PLG: variants seen among roughly 807,000 people sequenced by gnomAD.
The protein encoded by PLG is plasmin.
In PLG, 41 loss-of-function variants were observed where a neutral mutation model predicts 104.4. The ratio of observed to expected loss-of-function variants is 0.39; its 90% CI spans 0.31 to 0.51. PLG has a LOEUF of 0.51. Ranked by LOEUF, PLG falls within the 20% of genes least tolerant of loss-of-function variation. The pLI, the probability that PLG is intolerant of heterozygous loss-of-function variation, is 0.76. For missense variants in PLG, 891 were observed against 1,003.6 expected, an observed-to-expected ratio of 0.89 and a Z score of 1.52; for synonymous variants, 337 against 357.1, an observed-to-expected ratio of 0.94 and a Z score of 0.63.
At position 160,706,561 on chromosome 6, in the gene PLG, C is replaced by A; in HGVS notation, c.185+19C>A. Reference sequence around the variant, plus strand: ...CCTGCAGGTATTTCCATTGTCGTTGCACCTACGCAGGAATCTGTAATTCAG... The same window carrying A: ...CCTGCAGGTATTTCCATTGTCGTTGAACCTACGCAGGAATCTGTAATTCAG... On this transcript the variant is annotated intron_variant, in intron 2 of 18. Coordinates refer to ENST00000308192, the MANE Select transcript of PLG (RefSeq NM_000301.5). 1 of 1,610,174 alleles carries A rather than the reference C, an allele frequency of 6.2e-7. No homozygotes were observed.
At chr6:160,727,452 G>GAA (rs780958888) in intron 10 of PLG, among the ~76,000 whole-genome samples, 1 of 135,814 alleles carries the variant, frequency 7.4e-6, no homozygotes. Context: ...CAATTTGTGA[G>GAA]AAAAAAAAAA....
At chr6:160,710,397 G>T (rs1363023809) in intron 3 of PLG, among the ~76,000 whole-genome samples, 2 of 152,080 alleles carry the variant, frequency 1.3e-5, no homozygotes, top group Non-Finnish European at 2.9e-5. Flanking sequence ...GGGGGGAACA[G>T]ACATGGGTGG....
At chr6:160,722,264 AT>A in intron 9 of PLG, 143 bp from the exon 10 acceptor site, 4 of 622,050 alleles carry the variant, frequency 6.4e-6, no homozygotes, top group Non-Finnish European at 8.7e-6. Flanking sequence ...CTATAAATCT[AT>A]TTTTATGTTA....
Position 160,713,128 on chromosome 6 carries a change from C to G in PLG, c.547+3C>G. On this transcript the variant is annotated splice_donor_region_variant and intron_variant, in intron 5 of 18. Coordinates refer to ENST00000308192, the MANE Select transcript of PLG (RefSeq NM_000301.5). ...CTGCGACATTCTTGAGTGTGAAGGT[C>G]AGGAGTGGTTCTAGAAAATGTTTTC... 6.2e-7 allele frequency: 1 copy of G among 1,608,232 alleles called. No homozygotes were observed. Among genetic ancestry groups the G allele is most frequent in the East Asian group, 2.2e-5 (1 of 44,868 alleles).
chr6:160,713,470 C>G, intron 5 of PLG: 1 of 322,290 alleles, frequency 3.1e-6, no homozygotes, highest in Non-Finnish European at 6.1e-6. Flanking sequence ...GGTTTCTCCA[C>G]GTAGGTCAGG....
chr6:160,733,846 G>GAAAAAAAAAAAAA, intron 12 of PLG, 149 bp from the exon 13 acceptor site: 1 of 312,838 alleles, frequency 3.2e-6, no homozygotes, highest in African/African-American at 3.1e-5. Context: ...CTCCACCTCA[G>GAAAAAAAAAAAAA]AAAAAAAAAA....
chr6:160,751,965 T>C, intron 17 of PLG, 150 bp from the exon 18 acceptor site: 1 of 719,160 alleles, frequency 1.4e-6, no homozygotes, highest in East Asian at 2.6e-5. Context: ...GTTTACACTC[T>C]GCAGGGTCAG....
In PLG at chr6:160,719,526, A is replaced by C. The variant is rs1399060809; in HGVS notation, c.1096+688A>C. ...AACCATTTGCATTCATGCAATTGTT[A>C]ATAGAGTTGAATTTACATCTACCAT... is the stretch of plus-strand genomic sequence containing the variant. On this transcript the variant is annotated intron_variant, in intron 9 of 18. Transcript: ENST00000308192. The surrounding 1 kb of genome is among the most constrained non-coding windows in gnomAD (Gnocchi z 4.1). Among the ~76,000 whole-genome samples the C allele has an allele frequency of 6.6e-6, 1 of 152,204 alleles. No individual in the cohort carries two copies. Among genetic ancestry groups the C allele is most frequent in the Non-Finnish European group, 1.5e-5 (1 of 68,042 alleles).
At chr6:160,749,502 A>C (rs199976499) in intron 17 of PLG, among the ~76,000 whole-genome samples, 39 of 127,746 alleles carry the variant, frequency 3.1e-4, no homozygotes, top group Admixed American at 2.2e-3. Context: ...CACCACCACC[A>C]CCCCCATCAT....
chr6:160,722,586 C>T lies in PLG; in HGVS notation c.1256+19C>T, dbSNP rs1236966638. 1.2e-6 allele frequency: 2 copies of T among 1,609,338 alleles called. No homozygotes were observed. Among genetic ancestry groups the T allele is most frequent in the Non-Finnish European group, 1.7e-6 (2 of 1,175,968 alleles). ...CAAATGCGTATGTCTTTGATTTTTA[C>T]TGTAAGAGGGGCATCAGCCAACTGA... On this transcript the variant is annotated intron_variant, in intron 10 of 18. Transcript: ENST00000308192.
intron 6 of PLG, 30 bp from the exon 7 acceptor site, chr6:160,716,615 G>C (rs1327398340): frequency 8.2e-7 from 1 of 1,213,480 alleles, no homozygotes; most frequent in Non-Finnish European, 1.2e-6. Flanking sequence ...TAAATGTTCA[G>C]TGCTACTAAA....
chr6:160,747,348 T>C (rs1382068841), intron 17 of PLG, among the ~76,000 whole-genome samples: 1 of 152,206 alleles, frequency 6.6e-6, no homozygotes, highest in Admixed American at 6.5e-5. Context: ...CAGTATGCCC[T>C]GACAATAATT....
chr6:160,711,057 C>G lies in PLG; in HGVS notation c.293-20C>G, dbSNP rs373041225. 2 of 1,612,384 alleles carry G rather than the reference C, an allele frequency of 1.2e-6. No individual in the cohort carries two copies. The highest frequency in any genetic ancestry group is 2.2e-5 in the East Asian group (1 of 44,864). ...GGTGTCTTGTGAAAGACTTTGACCA[C>G]TGTGTGGACTTCCCTTCAGTGTATC... is the stretch of plus-strand genomic sequence containing the variant. On this transcript the variant is annotated intron_variant, in intron 3 of 18. Coordinates refer to ENST00000308192, the MANE Select transcript of PLG (RefSeq NM_000301.5).
intron 5 of PLG, 148 bp downstream of exon 5, chr6:160,713,273 A>ATTTTT (rs113752311): frequency 2.0e-4 from 119 of 586,330 alleles, no homozygotes; most frequent in African/African-American, 1.8e-3. Flanking sequence ...ATTAACCTGA[A>ATTTTT]TTTTTTTTTT....
At chr6:160,711,448 C>A in intron 4 of PLG, 2 of 875,210 alleles carry the variant, frequency 2.3e-6, no homozygotes, top group South Asian at 1.8e-5. Flanking sequence ...TTGTTATTTT[C>A]TGTCATCTTT....
At chr6:160,711,813 C>T (rs748706678) in intron 4 of PLG, 47 of 1,503,488 alleles carry the variant, frequency 3.1e-5, no homozygotes, top group Non-Finnish European at 3.7e-5. Context: ...GAACTCTCAT[C>T]ACATGTTCGA....
At position 160,740,342 on chromosome 6, in the gene PLG, C is replaced by A. The variant is rs564391546; in HGVS notation, c.2019-969C>A. ...AGCAAATGTGCAAATAGAAGGTCCC[C>A]GTTCCTCATGATCCTCAGAGAGCTG... On this transcript the variant is annotated intron_variant, in intron 16 of 18. Transcript: ENST00000308192. The surrounding 1 kb of genome is among the most constrained non-coding windows in gnomAD (Gnocchi z 5.2). Among the ~76,000 whole-genome samples, 1 of 152,194 alleles carries A rather than the reference C, an allele frequency of 6.6e-6. No homozygotes were observed. Among genetic ancestry groups the A allele is most frequent in the Non-Finnish European group, 1.5e-5 (1 of 68,040 alleles).
At position 160,722,564 on chromosome 6, in the gene PLG, A is replaced by C. The variant is rs748115521; in HGVS notation, c.1253A>C (p.Asn418Thr). 6.2e-7 allele frequency: 1 copy of C among 1,613,074 alleles called. No individual in the cohort carries two copies. The highest frequency in any genetic ancestry group is 8.5e-7 in the Non-Finnish European group (1 of 1,179,212). The change falls in exon 10 of 19, where the codon AAT (asparagine) becomes ACT (threonine). Residue 418 changes from asparagine (N) to threonine (T), a missense_variant. Asn to Thr is a moderately conservative substitution (Grantham distance 65). Transcript: ENST00000308192. ...RHQKTPENYP[N>T]AGLTMNYCRN... is the part of the protein sequence containing the mutation. The stretch of plus-strand genomic sequence containing the variant: ...CAGAAGACCCCAGAAAACTACCCAA[A>C]TGCGTATGTCTTTGATTTTTACTGT...
Position 160,739,576 on chromosome 6 carries a change from A to G in PLG, c.2018+368A>G, listed in dbSNP as rs1479570999. 6.6e-6 allele frequency among the ~76,000 whole-genome samples: 1 copy of G among 152,122 alleles called. No homozygotes were observed. Among genetic ancestry groups the G allele is most frequent in the Admixed American group, 6.5e-5 (1 of 15,280 alleles). ...ATGTTTAAGAGAATCATATAAGACT[A>G]TATTTGTTTCAAAGCACTTTAAAAA... is the stretch of plus-strand genomic sequence containing the variant. On this transcript the variant is annotated intron_variant, in intron 16 of 18. Coordinates refer to ENST00000308192, the MANE Select transcript of PLG (RefSeq NM_000301.5). The surrounding 1 kb of genome is among the most constrained non-coding windows in gnomAD (Gnocchi z 4.4).
Sources: gnomAD v4.1 joint callset for allele counts (sites outside exome capture counted in the v4.1 genomes callset) on GRCh38, gnomAD v4.1.1 for gene constraint, Gnocchi (gnomAD v3.1) non-coding constraint, MANE v1.5 for transcripts, NCBI Gene and HGNC (gene_info 2026-07-23, HGNC 2026-07-21) for gene names.